The following ITIH5 variants were observed in gnomAD, a reference collection of about 807,000 sequenced individuals.
The protein encoded by ITIH5 is inter-alpha-trypsin inhibitor heavy chain 5.
In ITIH5, 65 loss-of-function variants were observed where a neutral mutation model predicts 77.5. The ratio of observed to expected loss-of-function variants is 0.84; its 90% CI spans 0.69 to 1.03. The LOEUF (loss-of-function observed/expected upper bound fraction) is 1.03, where lower values mean the gene tolerates loss of function less well. ITIH5 is among the 50% of genes least tolerant of loss of function. The probability of loss-of-function intolerance (pLI) is 0.00; values close to 1 mark genes in which losing one functional copy is unlikely to be tolerated. For synonymous variants in ITIH5, 525 were observed against 494.3 expected (o/e 1.06, Z -0.82); for missense variants, 1,208 against 1,213.1 (o/e 1.00, Z 0.06).
chr10:7,582,588 G>T lies in ITIH5; in HGVS notation c.1109-2524C>A, dbSNP rs75416804. 5.8e-3 allele frequency among the ~76,000 whole-genome samples: 883 copies of T among 152,238 alleles called. 9 individuals carry two copies. The highest frequency in any genetic ancestry group is 0.021 in the African/African-American group (854 of 41,528). Reference sequence around the variant, plus strand: ...CACCATCCATCATCCTGACTGGAGTGACTTTTCTCTACCTGCAAATTTTAC... The same window carrying T: ...CACCATCCATCATCCTGACTGGAGTTACTTTTCTCTACCTGCAAATTTTAC... On this transcript the variant is annotated intron_variant, in intron 8 of 13. Coordinates refer to ENST00000397146, the MANE Select transcript of ITIH5 (RefSeq NM_030569.7).
At chr10:7,605,697 G>C (rs1423621016) in intron 7 of ITIH5, among the ~76,000 whole-genome samples, 1 of 151,398 alleles carries the variant, frequency 6.6e-6, no homozygotes, top group Admixed American at 6.6e-5. Context: ...ATTTTACCCA[G>C]TTGCAATTTC....
At chr10:7,631,710 G>A (rs1234629696) in intron 5 of ITIH5, among the ~76,000 whole-genome samples, 1 of 151,816 alleles carries the variant, frequency 6.6e-6, no homozygotes, top group Non-Finnish European at 1.5e-5. Flanking sequence ...TGGAAAAGAG[G>A]AACAAAATAC....
chr10:7,603,973 C>T (rs1015506999), intron 7 of ITIH5, among the ~76,000 whole-genome samples: 8 of 152,100 alleles, frequency 5.3e-5, no homozygotes, highest in African/African-American at 9.7e-5. Flanking sequence ...GTGTCGTGAG[C>T]GTCTTCTCAG....
At chr10:7,600,982 C>A (rs1261305010) in intron 7 of ITIH5, among the ~76,000 whole-genome samples, 1 of 152,318 alleles carries the variant, frequency 6.6e-6, no homozygotes, top group African/African-American at 2.4e-5. Context: ...ATAAGCTACT[C>A]AGTCTATGGC....
intron 1 of ITIH5, among the ~76,000 whole-genome samples, chr10:7,657,033 C>T (rs187429253): frequency 0.043 from 5,512 of 128,190 alleles, 212 homozygotes; most frequent in African/African-American, 0.11. Flanking sequence ...TGAGCCACCG[C>T]GTTCGGCCTT....
At chr10:7,636,418 A>C (rs1244441385) in intron 5 of ITIH5, among the ~76,000 whole-genome samples, 1 of 152,198 alleles carries the variant, frequency 6.6e-6, no homozygotes, top group South Asian at 2.1e-4. Flanking sequence ...TGGCCCCACA[A>C]TCTCATACCC....
At chr10:7,659,237 G>T (rs1400678075) in intron 1 of ITIH5, among the ~76,000 whole-genome samples, 1 of 151,888 alleles carries the variant, frequency 6.6e-6, no homozygotes, top group East Asian at 1.9e-4. Flanking sequence ...AAATTAGCTG[G>T]GCGTCGTGGC....
At chr10:7,584,250 G>C (rs1394322355) in intron 8 of ITIH5, among the ~76,000 whole-genome samples, 1 of 151,854 alleles carries the variant, frequency 6.6e-6, no homozygotes, top group African/African-American at 2.4e-5. Flanking sequence ...GGGTTTCTAA[G>C]GCTTGGAGTC....
chr10:7,613,376 G>A (rs1035202402), intron 7 of ITIH5, among the ~76,000 whole-genome samples: 1 of 152,062 alleles, frequency 6.6e-6, no homozygotes, highest in African/African-American at 2.4e-5. Context: ...ATAAGAGAAA[G>A]CTTCACTTTG....
At chr10:7,644,579 T>C (rs935100865) in intron 2 of ITIH5, among the ~76,000 whole-genome samples, 4 of 139,152 alleles carry the variant, frequency 2.9e-5, no homozygotes, top group East Asian at 2.0e-4. Context: ...ATATATCACA[T>C]ATATCACATA....
At chr10:7,590,052 T>C (rs4636564) in intron 7 of ITIH5, among the ~76,000 whole-genome samples, 45,543 of 151,732 alleles carry the variant, frequency 0.3, 7,382 homozygotes, top group East Asian at 0.49. Flanking sequence ...CTTCCAGACT[T>C]ATCTCTGGAG....
rs1832186179 is a variant in ITIH5 at position 7,566,842 on chromosome 10, GAGGAAGAAGAAGAAGAAGAAGAA to G, written c.2150-458_2150-436del. Among the ~76,000 whole-genome samples the G allele has an allele frequency of 5.2e-5, 2 of 38,516 alleles. 1 individual carries two copies. Among genetic ancestry groups the G allele is most frequent in the African/African-American group, 2.3e-4 (2 of 8,680 alleles). 25.3% of individuals were successfully genotyped at this position (38,516 alleles called of 152,430 possible). A position where few individuals can be genotyped will look rare whatever the true frequency, so the allele number is the denominator to read the frequency against. On this transcript the variant is annotated intron_variant, in intron 12 of 13. Transcript: ENST00000397146. ...AGAGGAAGAGGAAGAGGAAGAGGAA[GAGGAAGAAGAAGAAGAAGAAGAA>G]GAAGAAGAAGAAGAAGAAGAAGAAG... is the stretch of plus-strand genomic sequence containing the variant.
At chr10:7,566,869 GA>G (rs1832191165) in intron 12 of ITIH5, among the ~76,000 whole-genome samples, 1 of 104,832 alleles carries the variant, frequency 9.5e-6, no homozygotes, top group Non-Finnish European at 1.9e-5. Context: ...AGAAGAAGAA[GA>G]AGAAGAAGAA....
At chr10:7,612,563 A>G (rs1833269528) in intron 7 of ITIH5, among the ~76,000 whole-genome samples, 1 of 152,224 alleles carries the variant, frequency 6.6e-6, no homozygotes, top group Non-Finnish European at 1.5e-5. Flanking sequence ...AGTCACAGGA[A>G]TTCAGACTGG....
At position 7,617,470 on chromosome 10, in the gene ITIH5, C is replaced by G. The variant is rs561088193; in HGVS notation, c.653-188G>C. 4 of 422,184 alleles carry G rather than the reference C, an allele frequency of 9.5e-6. No homozygotes were observed. The South Asian group carries it at 3.1e-4, about 33-fold the overall frequency. The allele number at this position is 422,184 out of a possible 1,614,324, so 26.2% of individuals were successfully genotyped here. A position where few individuals can be genotyped will look rare whatever the true frequency, so the allele number is the denominator to read the frequency against. ...TGTCATCATATAGTTTCCTCTTATG[C>G]CTCTTTTTGAACCTTTTCTTATGAA... is the stretch of plus-strand genomic sequence containing the variant. On this transcript the variant is annotated intron_variant, in intron 5 of 13. Transcript: ENST00000397146.
At chr10:7,579,362 C>G (rs1049835591) in intron 9 of ITIH5, among the ~76,000 whole-genome samples, 14 of 152,236 alleles carry the variant, frequency 9.2e-5, no homozygotes, top group African/African-American at 3.4e-4. Flanking sequence ...CTTGTCTCTA[C>G]TAAAAATACA....
At chr10:7,589,302 A>T (rs901612400) in intron 7 of ITIH5, among the ~76,000 whole-genome samples, 1 of 152,112 alleles carries the variant, frequency 6.6e-6, no homozygotes, top group African/African-American at 2.4e-5. Flanking sequence ...TACTAAAAAA[A>T]TACAAAAATT....
chr10:7,626,924 T>C (rs575213798), intron 5 of ITIH5, among the ~76,000 whole-genome samples: 1 of 152,176 alleles, frequency 6.6e-6, no homozygotes, highest in Admixed American at 6.5e-5. Flanking sequence ...TCTGGCAAAA[T>C]TTACCAACGT....
At chr10:7,566,550 A>T (rs935184695) in intron 12 of ITIH5, 143 bp from the exon 13 acceptor site, 27 of 680,844 alleles carry the variant, frequency 4.0e-5, no homozygotes, top group Non-Finnish European at 6.3e-5. Flanking sequence ...CAACACAGAG[A>T]CCCCATCTCT....
Sources: allele counts gnomAD v4.1 joint callset (sites outside exome capture counted in the v4.1 genomes callset), GRCh38; gene constraint gnomAD v4.1.1; transcripts MANE v1.5; gene names NCBI Gene and HGNC (gene_info 2026-07-23, HGNC 2026-07-21).